UBE3C: variants seen among roughly 807,000 people sequenced by gnomAD.
UBE3C encodes ubiquitin protein ligase E3C, also known as ubiquitin-protein ligase E3C.
A neutral mutation model predicts 129.4 loss-of-function variants in UBE3C; 42 were observed. The observed-to-expected ratio is 0.32, with a 90% CI of 0.25 to 0.42. The LOEUF (loss-of-function observed/expected upper bound fraction) is 0.42, where lower values mean the gene tolerates loss of function less well. Among genes scored for constraint, UBE3C ranks in the 10% least tolerant of loss-of-function variants. UBE3C has a pLI of 1.00. For synonymous variants in UBE3C, 510 were observed against 492.4 expected, an observed-to-expected ratio of 1.04 and a Z score of -0.47; for missense variants, 1,049 against 1,319.1, an observed-to-expected ratio of 0.80 and a Z score of 3.17.
chr7:157,195,704 G>T (rs1454570225), intron 10 of UBE3C, among the ~76,000 whole-genome samples: 1 of 152,186 alleles, frequency 6.6e-6, no homozygotes, highest in Non-Finnish European at 1.5e-5. Flanking sequence ...CCCAAATTTA[G>T]ATGGCTTTAG....
At chr7:157,139,400 G>GGGACTCGGGGGT (rs200844106) in intron 1 of UBE3C, 62 bp downstream of exon 1, 8 of 1,186,836 alleles carry the variant, frequency 6.7e-6, no homozygotes, top group East Asian at 3.1e-5. Context: ...GCTCGGGGCT[G>GGGACTCGGGGGT]GGACTCGGGG....
chr7:157,264,328 C>T (rs1797011489), intron 22 of UBE3C, among the ~76,000 whole-genome samples: 1 of 126,482 alleles, frequency 7.9e-6, no homozygotes, highest in African/African-American at 3.1e-5. Flanking sequence ...CCTGGTATTA[C>T]AGGTGTGAGC....
intron 9 of UBE3C, among the ~76,000 whole-genome samples, chr7:157,185,603 C>CG (rs1391158493): frequency 6.6e-6 from 1 of 152,094 alleles, no homozygotes; most frequent in Non-Finnish European, 1.5e-5. Flanking sequence ...CCTTTTCTTT[C>CG]CCCTGGCACT....
At position 157,192,322 on chromosome 7, in the gene UBE3C, G is replaced by GCCCTTC. The variant is rs1329666093; in HGVS notation, c.1331+5301_1331+5302insCCCTTC. The GCCCTTC allele has an allele frequency of 4.0e-5, 21 of 525,258 alleles. No individual in the cohort carries two copies. The African/African-American group carries it at 4.1e-4, about 10-fold the overall frequency. The allele number at this position is 525,258 out of a possible 1,614,324, so 32.5% of individuals were successfully genotyped here. On this transcript the variant is annotated intron_variant, in intron 10 of 22. Coordinates refer to ENST00000348165, the MANE Select transcript of UBE3C (RefSeq NM_014671.3). ...AGCTTGTTAAGAAATAGTAAGAGAA[G>GCCCTTC]GGGCTTCCTTTTCGATCCGCCATCT...
At chr7:157,233,125 A>T (rs140427488) in intron 18 of UBE3C, among the ~76,000 whole-genome samples, 13 of 151,806 alleles carry the variant, frequency 8.6e-5, no homozygotes, top group South Asian at 8.3e-4. Flanking sequence ...TAGACATTTC[A>T]TATAAGTGGA....
rs1444430513 is a variant in UBE3C, at chr7:157,209,214, G to C, written c.1809+1279G>C. On this transcript the variant is annotated intron_variant, in intron 13 of 22. Coordinates refer to ENST00000348165, the MANE Select transcript of UBE3C (RefSeq NM_014671.3). ...GCTTATTCATCCTCCAAGTCCACGAGAGTCTCTCTCCAGCCCGTTCTGCCT... is the reference window on the plus strand; with the variant it reads ...GCTTATTCATCCTCCAAGTCCACGACAGTCTCTCTCCAGCCCGTTCTGCCT... 2.0e-5 allele frequency among the ~76,000 whole-genome samples: 3 copies of C among 152,280 alleles called. No individual in the cohort carries two copies. The East Asian group carries it at 5.8e-4, about 29-fold the overall frequency.
At chr7:157,188,984 A>T in intron 10 of UBE3C, 1 of 616,264 alleles carries the variant, frequency 1.6e-6, no homozygotes, top group Non-Finnish European at 3.0e-6. Context: ...TTGTACCCTG[A>T]CATGGAAAGA....
chr7:157,145,378 C>T (rs531522786), intron 1 of UBE3C, among the ~76,000 whole-genome samples: 1 of 152,136 alleles, frequency 6.6e-6, no homozygotes, highest in Admixed American at 6.5e-5. Flanking sequence ...ATTAGCCAGG[C>T]GTGGTGACAG....
intron 1 of UBE3C, among the ~76,000 whole-genome samples, chr7:157,141,810 C>G (rs1408689121): frequency 1.3e-5 from 2 of 152,194 alleles, no homozygotes; most frequent in African/African-American, 4.8e-5. Context: ...GGCTTGGCTT[C>G]TGTCTGAGAG....
rs1245215508 is a variant in UBE3C at position 157,139,223 on chromosome 7, C to T, written c.-50C>T. ...CCCAGCCCGCCCCGTGCCCCGCCCG[C>T]CCGGCTGCTTCCGCGGCGGCGCTGC... is the stretch of plus-strand genomic sequence containing the variant. On this transcript the variant is annotated 5_prime_UTR_variant, in exon 1 of 23. Transcript: ENST00000348165. 1.4e-6 allele frequency: 2 copies of T among 1,387,880 alleles called. No individual in the cohort carries two copies. The highest frequency in any genetic ancestry group is 3.0e-5 in the South Asian group (2 of 66,478). 86.0% of individuals were successfully genotyped at this position (1,387,880 alleles called of 1,614,324 possible). A position where few individuals can be genotyped will look rare whatever the true frequency, so the allele number is the denominator to read the frequency against.
intron 1 of UBE3C, among the ~76,000 whole-genome samples, chr7:157,141,127 G>T (rs768476586): frequency 2.0e-5 from 3 of 152,164 alleles, no homozygotes; most frequent in African/African-American, 7.2e-5. Flanking sequence ...ACCCTGAGCC[G>T]AGGGCCATTC....
chr7:157,203,021 C>G (rs940681976), intron 11 of UBE3C, among the ~76,000 whole-genome samples: 5 of 152,122 alleles, frequency 3.3e-5, no homozygotes, highest in Admixed American at 2.6e-4. Flanking sequence ...GTTGAGATTT[C>G]TGGATTTTGA....
At chr7:157,234,911 G>A (rs1014008308) in intron 18 of UBE3C, among the ~76,000 whole-genome samples, 2 of 152,136 alleles carry the variant, frequency 1.3e-5, no homozygotes, top group Non-Finnish European at 2.9e-5. Flanking sequence ...TTTACAATGG[G>A]CCAGGCATGG....
intron 10 of UBE3C, chr7:157,197,606 T>C (rs1809158497): frequency 1.2e-6 from 2 of 1,601,776 alleles, no homozygotes; most frequent in South Asian, 2.2e-5. Context: ...AATATTATTT[T>C]AGTTGATGGA....
rs576333024 is a variant in UBE3C at position 157,207,639 on chromosome 7, A to C, written c.1577-64A>C. ...CAGTAGAAAAGTTTTAAGCTTTTTA[A>C]GTCTTTCAGTGTGTGTTAAAAGATG... is the stretch of plus-strand genomic sequence containing the variant. On this transcript the variant is annotated intron_variant, in intron 12 of 22. Transcript: ENST00000348165. 4.7e-4 allele frequency: 753 copies of C among 1,585,746 alleles called. 7 individuals carry two copies. In the African/African-American group the frequency reaches 9.5e-3, roughly 20 times the overall value.
At chr7:157,253,246 TTGTC>T (rs1272371565) in intron 19 of UBE3C, among the ~76,000 whole-genome samples, 3 of 152,230 alleles carry the variant, frequency 2.0e-5, no homozygotes. Context: ...GTAAAGTGAC[TTGTC>T]TGTCATACAA....
intron 1 of UBE3C, among the ~76,000 whole-genome samples, chr7:157,144,308 G>T (rs1377590406): frequency 1.3e-5 from 2 of 152,174 alleles, no homozygotes; most frequent in African/African-American, 2.4e-5. Flanking sequence ...AAAAAATAAG[G>T]CAGGGGCAAG....
At chr7:157,189,904 G>A (rs548914589) in intron 10 of UBE3C, among the ~76,000 whole-genome samples, 56 of 152,204 alleles carry the variant, frequency 3.7e-4, no homozygotes, top group South Asian at 6.2e-4. Flanking sequence ...GGGTTCAAGC[G>A]ATCCTCCTAC....
chr7:157,177,590 C>A (rs895952525), intron 5 of UBE3C, among the ~76,000 whole-genome samples: 1 of 152,244 alleles, frequency 6.6e-6, no homozygotes, highest in African/African-American at 2.4e-5. Context: ...TAGCCCCGCT[C>A]CTCCTGCACT....
Sources: gnomAD v4.1 joint callset for allele counts (sites outside exome capture counted in the v4.1 genomes callset) on GRCh38, gnomAD v4.1.1 for gene constraint, MANE v1.5 for transcripts, NCBI Gene and HGNC (gene_info 2026-07-23, HGNC 2026-07-21) for gene names.